Variants in TSC2 observed in about 807,000 individuals in gnomAD.
The protein encoded by TSC2 is tuberin.
A neutral mutation model predicts 202.2 loss-of-function variants in TSC2; 29 were observed. The observed-to-expected ratio is 0.14, with a 90% CI of 0.11 to 0.20. The LOEUF (loss-of-function observed/expected upper bound fraction) is 0.20. TSC2 is among the 10% of genes least tolerant of loss of function. The pLI is 1.00. For missense variants in TSC2, 2,429 were observed against 2,420.0 expected (o/e 1.00, Z -0.08); for synonymous variants, 1,349 against 1,044.0 (o/e 1.29, Z -5.63).
rs369939081 is a variant in TSC2, at chr16:2,062,025, G to T, written c.1257+17G>T. On this transcript the variant is annotated intron_variant, in intron 12 of 41. Coordinates refer to ENST00000219476, the MANE Select transcript of TSC2 (RefSeq NM_000548.5). ...CAGAGGCCTGTGAGACCCCCTCCTG[G>T]GTGGGGCCTTTGGGCTTTGGCTGGT... is the stretch of plus-strand genomic sequence containing the variant. 36 of 1,613,826 alleles carry T rather than the reference G, an allele frequency of 2.2e-5. No homozygotes were observed. The Middle Eastern group carries it at 6.6e-4, about 30-fold the overall frequency.
rs1053721520 is a variant in TSC2 at position 2,070,347 on chromosome 16, G to T, written c.1717-109G>T. The T allele has an allele frequency of 1.9e-6, 3 of 1,586,010 alleles. No individual in the cohort carries two copies. In the African/African-American group the frequency reaches 4.0e-5, roughly 21 times the overall value. On this transcript the variant is annotated intron_variant, in intron 16 of 41. Transcript: ENST00000219476. ...GGGTTTGAAGGTCGTGTGTTTTGAA[G>T]CACGCACTCTAGAGCAGCCGCCCCG...
At position 2,085,385 on chromosome 16, in the gene TSC2, G is replaced by A. The variant is rs566035563; in HGVS notation, c.4662+63G>A. ...CCAGCTGGGCCTCAGCCTGCAGTGG[G>A]TAGGGAGTCTGGGCCCCCAACGCCC... On this transcript the variant is annotated intron_variant, in intron 36 of 41. Transcript: ENST00000219476. 1.8e-4 allele frequency: 281 copies of A among 1,569,188 alleles called. 1 individual carries two copies. In the Admixed American group the frequency reaches 4.6e-3, roughly 25 times the overall value.
chr16:2,058,731 T>TG lies in TSC2; in HGVS notation c.849-12dup. The TG allele has an allele frequency of 6.4e-7, 1 of 1,572,876 alleles. No individual in the cohort carries two copies. Among genetic ancestry groups the TG allele is most frequent in the East Asian group, 2.3e-5 (1 of 43,302 alleles). On this transcript the variant is annotated splice_polypyrimidine_tract_variant and intron_variant, in intron 9 of 41. Transcript: ENST00000219476. ...GGGCCCTGCTCACATTCCGTCTCTC[T>TG]GGGGAACACTTTTAGAGCCTACATG...
chr16:2,066,763 C>A (rs547221887), intron 16 of TSC2, among the ~76,000 whole-genome samples: 1 of 146,362 alleles, frequency 6.8e-6, no homozygotes, highest in East Asian at 2.0e-4. Context: ...TGGGTTCAGG[C>A]GATTCTCCTA....
At chr16:2,061,364 C>T in intron 11 of TSC2, 2 of 294,362 alleles carry the variant, frequency 6.8e-6, no homozygotes, top group Non-Finnish European at 1.3e-5. Flanking sequence ...CGGGACTTAG[C>T]AGGGACTGAA....
At position 2,089,342 on chromosome 16, in the gene TSC2, CTT is replaced by C. The variant is rs942093738; in HGVS notation, c.*733_*734del. ...ACGGTAGGAACTGGAGAGGTAATAACTTAGGGGCAGGGTGGCGGCGGTGCAGG... is the reference window on the plus strand; with the variant it reads ...ACGGTAGGAACTGGAGAGGTAATAACAGGGGCAGGGTGGCGGCGGTGCAGG... On this transcript the variant is annotated 3_prime_UTR_variant, in exon 42 of 42. Transcript: ENST00000219476. 13 of 330,380 alleles carry C rather than the reference CTT, an allele frequency of 3.9e-5. No individual in the cohort carries two copies. Among genetic ancestry groups the C allele is most frequent in the Middle Eastern group, 9.0e-4 (1 of 1,108 alleles). 20.5% of individuals were successfully genotyped at this position (330,380 alleles called of 1,614,324 possible).
At chr16:2,063,583 C>T (rs79747172) in intron 14 of TSC2, 3,371 of 242,050 alleles carry the variant, frequency 0.014, 133 homozygotes, top group African/African-American at 0.071. Flanking sequence ...CTGAGGCTGT[C>T]CCTTCCCACC....
intron 37 of TSC2, 47 bp downstream of exon 37, chr16:2,086,426 A>G (rs2151578517): frequency 6.3e-7 from 1 of 1,594,216 alleles, no homozygotes; most frequent in Non-Finnish European, 8.5e-7. Context: ...GCCTCAGGGC[A>G]CGGCTCCCAT....
rs747475590 is a variant in TSC2, at chr16:2,071,775, C to T, written c.1947-9C>T. On this transcript the variant is annotated splice_polypyrimidine_tract_variant and intron_variant, in intron 18 of 41. Coordinates refer to ENST00000219476, the MANE Select transcript of TSC2 (RefSeq NM_000548.5). Reference sequence around the variant, plus strand: ...GACTTGGCCTCAGCTGCTTCTCTTGCTTCTGCAGGGAGCCAGAGAGAGGCT... The same window carrying T: ...GACTTGGCCTCAGCTGCTTCTCTTGTTTCTGCAGGGAGCCAGAGAGAGGCT... 36 of 1,605,006 alleles carry T rather than the reference C, an allele frequency of 2.2e-5. No homozygotes were observed. The East Asian group carries it at 5.4e-4, about 24-fold the overall frequency.
chr16:2,070,358 A>G, intron 16 of TSC2, 98 bp from the exon 17 acceptor site: 1 of 1,602,924 alleles, frequency 6.2e-7, no homozygotes, highest in East Asian at 2.2e-5. Context: ...CACGCACTCT[A>G]GAGCAGCCGC....
chr16:2,089,421 G>T lies in TSC2; in HGVS notation c.*811G>T, dbSNP rs1333424347. The stretch of plus-strand genomic sequence containing the variant: ...TAGCAGTGGGGGACATCTGCCCAGG[G>T]GGTGGGGCCGGGCACAGCCCGCTGT... On this transcript the variant is annotated 3_prime_UTR_variant, in exon 42 of 42. Transcript: ENST00000219476. 2 of 472,988 alleles carry T rather than the reference G, an allele frequency of 4.2e-6. No individual in the cohort carries two copies. The highest frequency in any genetic ancestry group is 3.9e-5 in the African/African-American group (2 of 51,120). The allele number at this position is 472,988 out of a possible 1,614,324, so 29.3% of individuals were successfully genotyped here. A position where few individuals can be genotyped will look rare whatever the true frequency, so the allele number is the denominator to read the frequency against.
chr16:2,055,045 C>T (rs2085596475), intron 5 of TSC2: 1 of 397,514 alleles, frequency 2.5e-6, no homozygotes, highest in South Asian at 2.2e-5. Context: ...CACACGTCTC[C>T]TCCGAGCCAC....
chr16:2,083,869 G>A, intron 33 of TSC2, 53 bp downstream of exon 33: 1 of 1,580,068 alleles, frequency 6.3e-7, no homozygotes, highest in Non-Finnish European at 8.6e-7. Context: ...CTCCTTAGGG[G>A]AGGCAGGGCT....
chr16:2,073,928 C>T (rs1164527670), intron 21 of TSC2, among the ~76,000 whole-genome samples: 1 of 152,270 alleles, frequency 6.6e-6, no homozygotes, highest in African/African-American at 2.4e-5. Flanking sequence ...GCAACAGAGC[C>T]AGCCTGTGAA....
chr16:2,048,808 G>A, intron 2 of TSC2, 55 bp downstream of exon 2: 1 of 1,612,592 alleles, frequency 6.2e-7, no homozygotes. Context: ...GAGAAGGCTG[G>A]GTTTGGTCTT....
chr16:2,071,355 G>A, intron 17 of TSC2, 155 bp from the exon 18 acceptor site: 1 of 749,662 alleles, frequency 1.3e-6, no homozygotes, highest in Non-Finnish European at 2.3e-6. Flanking sequence ...CCAGGACAGA[G>A]CCTGTGTCTG....
chr16:2,075,956 AG>A, intron 23 of TSC2, 64 bp downstream of exon 23: 1 of 1,612,140 alleles, frequency 6.2e-7, no homozygotes, highest in South Asian at 1.1e-5. Flanking sequence ...TGCGGCAGAA[AG>A]CCCCGGCAGC....
intron 16 of TSC2, among the ~76,000 whole-genome samples, chr16:2,069,640 C>T (rs570348449): frequency 6.4e-4 from 98 of 152,242 alleles, no homozygotes; most frequent in East Asian, 4.3e-3. Flanking sequence ...CCACCACGCC[C>T]GGCTAATTTT....
Position 2,080,170 on chromosome 16 carries a change from C to G in TSC2, c.3403C>G (p.His1135Asp). The G allele has an allele frequency of 6.2e-7, 1 of 1,612,936 alleles. No homozygotes were observed. Among genetic ancestry groups the G allele is most frequent in the Non-Finnish European group, 8.5e-7 (1 of 1,179,982 alleles). ...TCCTCTGCCCTCTTCTTCAGGGGGC[C>G]ATGGTCTTCGAGTTGGCGCCCTGGA... ...RDRVRSMSGG[H>D]GLRVGALDVP... Residue 1135 changes from histidine (H) to aspartate (D), a missense_variant, in exon 30 of 42, where the codon CAT becomes GAT. His to Asp is a moderately conservative substitution (Grantham distance 81). Coordinates refer to ENST00000219476, the MANE Select transcript of TSC2 (RefSeq NM_000548.5).
Sources: allele counts gnomAD v4.1 joint callset (sites outside exome capture counted in the v4.1 genomes callset), GRCh38; gene constraint gnomAD v4.1.1; transcripts MANE v1.5; gene names NCBI Gene and HGNC (gene_info 2026-07-23, HGNC 2026-07-21).